The following FOXN3 variants were observed in gnomAD, a reference collection of about 807,000 sequenced individuals.
FOXN3 encodes forkhead box protein N3.
A neutral mutation model predicts 38.4 loss-of-function variants in FOXN3; 7 were observed. The observed-to-expected ratio is 0.18, with a 90% confidence interval of 0.10 to 0.34. The LOEUF (loss-of-function observed/expected upper bound fraction) is 0.34. Among genes scored for constraint, FOXN3 ranks in the 10% least tolerant of loss-of-function variants. The pLI is 1.00. For synonymous variants in FOXN3, 230 were observed against 242.2 expected (o/e 0.95, Z 0.47); for missense variants, 456 against 613.4 (o/e 0.74, Z 2.71).
intron 1 of FOXN3, among the ~76,000 whole-genome samples, chr14:89,511,266 T>C (rs377337325): frequency 0.062 from 2,567 of 41,228 alleles, 732 homozygotes; most frequent in Non-Finnish European, 0.078. Flanking sequence ...TTTCTTTCTT[T>C]CTTTCTTTCT....
At chr14:89,501,219 C>A (rs759820616) in intron 1 of FOXN3, among the ~76,000 whole-genome samples, 5 of 152,158 alleles carry the variant, frequency 3.3e-5, no homozygotes, top group African/African-American at 7.2e-5. Context: ...CAAGAAGTCA[C>A]TAGAAATGTG....
chr14:89,358,185 G>A (rs2241123), intron 2 of FOXN3, among the ~76,000 whole-genome samples: 23,285 of 152,198 alleles, frequency 0.15, 2,182 homozygotes, highest in South Asian at 0.39. Flanking sequence ...AACCATCAAT[G>A]TAAACAGATA....
At chr14:89,410,100 C>T (rs1417818420) in intron 2 of FOXN3, among the ~76,000 whole-genome samples, 3 of 151,806 alleles carry the variant, frequency 2.0e-5, no homozygotes, top group Non-Finnish European at 4.4e-5. Context: ...CCAAGCCCCG[C>T]GTCCCCACCC....
intron 1 of FOXN3, among the ~76,000 whole-genome samples, chr14:89,569,035 T>C (rs970792371): frequency 6.6e-6 from 1 of 152,148 alleles, no homozygotes; most frequent in Non-Finnish European, 1.5e-5. Context: ...AAACCCCATC[T>C]CTACTAAAAA....
intron 1 of FOXN3, among the ~76,000 whole-genome samples, chr14:89,463,602 T>C (rs945314864): frequency 1.3e-5 from 2 of 152,108 alleles, no homozygotes; most frequent in Admixed American, 6.6e-5. Flanking sequence ...GAGAGTGTAT[T>C]TTTGAAAAGC....
Position 89,411,974 on chromosome 14 carries a change from A to C in FOXN3, c.503T>G (p.Leu168Trp). 2 of 1,574,004 alleles carry C rather than the reference A, an allele frequency of 1.3e-6. No homozygotes were observed. Among genetic ancestry groups the C allele is most frequent in the Non-Finnish European group, 1.7e-6 (2 of 1,155,872 alleles). Reference sequence around the variant, plus strand: ...GTCCACTTTCTTAAAACACTTATTCAATGATAAATTGTGTCTCACTGAGTT... The same window carrying C: ...GTCCACTTTCTTAAAACACTTATTCCATGATAAATTGTGTCTCACTGAGTT... ...WKNSVRHNLS[L>W]NKCFKKVDKE... The change falls in exon 2 of 6, where the codon TTG becomes TGG. Residue 168 changes from leucine to tryptophan, a missense_variant. Leu to Trp is a moderately conservative substitution (Grantham distance 61). Transcript: ENST00000557258.
At chr14:89,342,092 C>T (rs1783769394) in intron 3 of FOXN3, among the ~76,000 whole-genome samples, 1 of 152,250 alleles carries the variant, frequency 6.6e-6, no homozygotes, top group South Asian at 2.1e-4. Context: ...ACTTAAAGAA[C>T]TTCTAACGCT....
chr14:89,243,353 T>C (rs1036413581), intron 4 of FOXN3, among the ~76,000 whole-genome samples: 1 of 152,262 alleles, frequency 6.6e-6, no homozygotes, highest in Non-Finnish European at 1.5e-5. Context: ...ACATGAGTTT[T>C]ATTTTTAATG....
intron 4 of FOXN3, among the ~76,000 whole-genome samples, chr14:89,216,456 G>A (rs866187352): frequency 4.6e-5 from 7 of 152,118 alleles, no homozygotes; most frequent in South Asian, 2.1e-4. Flanking sequence ...AACCTAACCC[G>A]GGTGCCCAAC....
At chr14:89,242,193 GGTGCCCGC>G (rs1450652932) in intron 4 of FOXN3, among the ~76,000 whole-genome samples, 1 of 152,176 alleles carries the variant, frequency 6.6e-6, no homozygotes, top group African/African-American at 2.4e-5. Flanking sequence ...AGGTACGAGT[GGTGCCCGC>G]GTTCCTGGCA....
At chr14:89,181,652 C>G (rs1887678469) in intron 4 of FOXN3, among the ~76,000 whole-genome samples, 1 of 152,206 alleles carries the variant, frequency 6.6e-6, no homozygotes, top group South Asian at 2.1e-4. Flanking sequence ...ACCATCAGAT[C>G]TTGTCCATTC....
intron 1 of FOXN3, among the ~76,000 whole-genome samples, chr14:89,506,101 C>T (rs1893923526): frequency 7.0e-6 from 1 of 142,698 alleles, no homozygotes; most frequent in Non-Finnish European, 1.5e-5. Context: ...CGGCCAGCCG[C>T]CCCGTCCGGG....
intron 3 of FOXN3, among the ~76,000 whole-genome samples, chr14:89,288,140 G>A (rs1886693618): frequency 6.6e-6 from 1 of 152,094 alleles, no homozygotes; most frequent in Non-Finnish European, 1.5e-5. Flanking sequence ...GAGACAGAAA[G>A]AGACCAGGTA....
chr14:89,210,424 G>C (rs201059649), intron 4 of FOXN3, among the ~76,000 whole-genome samples: 1 of 152,260 alleles, frequency 6.6e-6, no homozygotes, highest in East Asian at 1.9e-4. Context: ...AGAACCGTAA[G>C]CCAATTAAAC....
chr14:89,206,395 A>G (rs1888386385), intron 4 of FOXN3, among the ~76,000 whole-genome samples: 1 of 152,094 alleles, frequency 6.6e-6, no homozygotes, highest in Non-Finnish European at 1.5e-5. Context: ...AGAGCTCTTC[A>G]GTTTGTATCT....
At chr14:89,586,347 T>C (rs1340856031) in intron 1 of FOXN3, among the ~76,000 whole-genome samples, 1 of 151,656 alleles carries the variant, frequency 6.6e-6, no homozygotes, top group Non-Finnish European at 1.5e-5. Context: ...AAAGGAAAAA[T>C]AAAGAAAAAG....
At chr14:89,327,255 G>A (rs1286020352) in intron 3 of FOXN3, among the ~76,000 whole-genome samples, 1 of 152,110 alleles carries the variant, frequency 6.6e-6, no homozygotes, top group Non-Finnish European at 1.5e-5. Flanking sequence ...AGAGAAGAAT[G>A]CTCCAAATAT....
intron 3 of FOXN3, among the ~76,000 whole-genome samples, chr14:89,318,384 C>T (rs1200306994): frequency 1.3e-5 from 2 of 152,040 alleles, no homozygotes; most frequent in Non-Finnish European, 2.9e-5. Flanking sequence ...GTCTCAAACT[C>T]CCGACCTCAG....
At chr14:89,429,950 C>T (rs1892121219) in intron 1 of FOXN3, among the ~76,000 whole-genome samples, 1 of 152,208 alleles carries the variant, frequency 6.6e-6, no homozygotes, top group African/African-American at 2.4e-5. Context: ...TTGTCTCCCC[C>T]TTGTCTATTG....
Sources: gnomAD v4.1 joint callset for allele counts (sites outside exome capture counted in the v4.1 genomes callset) on GRCh38, gnomAD v4.1.1 for gene constraint, MANE v1.5 for transcripts, NCBI Gene and HGNC (gene_info 2026-07-23, HGNC 2026-07-21) for gene names.